The following MOK variants were observed in gnomAD, a reference collection of about 807,000 sequenced individuals.
The protein encoded by MOK is MAPK/MAK/MRK overlapping kinase.
MOK carries 59 observed loss-of-function variants against 54.2 expected under a neutral mutation model. The ratio of observed to expected loss-of-function variants is 1.09; its 90% CI spans 0.88 to 1.35. The LOEUF (loss-of-function observed/expected upper bound fraction) is 1.35, where lower values mean the gene tolerates loss of function less well. Ranked by LOEUF, MOK falls within the 40% of genes most tolerant of loss-of-function variation. The probability of loss-of-function intolerance (pLI) is 0.00; values close to 1 mark genes in which losing one functional copy is unlikely to be tolerated. For synonymous variants in MOK, 210 were observed against 202.7 expected, an observed-to-expected ratio of 1.04 and a Z score of -0.31; for missense variants, 517 against 526.2, an observed-to-expected ratio of 0.98 and a Z score of 0.17.
At chr14:102,250,549 A>G (rs2066444416) in intron 7 of MOK, among the ~76,000 whole-genome samples, 1 of 152,158 alleles carries the variant, frequency 6.6e-6, no homozygotes, top group African/African-American at 2.4e-5. Context: ...AGCAACCCCA[A>G]GGAGGCAGCT....
chr14:102,242,788 G>A (rs921529565), intron 7 of MOK, among the ~76,000 whole-genome samples: 1 of 152,086 alleles, frequency 6.6e-6, no homozygotes, highest in African/African-American at 2.4e-5. Flanking sequence ...TATCCACCCT[G>A]TAGTGCTAAA....
intron 1 of MOK, among the ~76,000 whole-genome samples, chr14:102,297,289 C>T (rs1307875767): frequency 5.3e-5 from 8 of 151,972 alleles, no homozygotes; most frequent in South Asian, 2.1e-4. Flanking sequence ...ACCCAGGAGG[C>T]GGAGCTCACA....
intron 2 of MOK, among the ~76,000 whole-genome samples, chr14:102,273,178 A>T (rs1184050842): frequency 6.6e-6 from 1 of 152,056 alleles, no homozygotes; most frequent in Non-Finnish European, 1.5e-5. Flanking sequence ...TCAAAAAAAA[A>T]AGTCATCAAC....
downstream of MOK, chr14:102,226,372 G>A: frequency 1.4e-6 from 1 of 703,120 alleles, no homozygotes. The surrounding 1 kb of genome is among the most constrained non-coding windows in gnomAD (Gnocchi z 4.8). Flanking sequence ...TGGGGAGGAG[G>A]ACGGCTGAGG....
chr14:102,237,876 C>CA lies in MOK; in HGVS notation c.591-4088dup. On this transcript the variant is annotated intron_variant, in intron 7 of 11. Coordinates refer to ENST00000361847, the MANE Select transcript of MOK (RefSeq NM_014226.3). ...AACTAACATTGAGTCAAAATACCAC[C>CA]ACCTACAGTCCTCATAATCTACAGG... 4 of 152,384 alleles carry CA rather than the reference C, an allele frequency of 2.6e-5. No homozygotes were observed. In the Middle Eastern group the frequency reaches 0.014, roughly 518 times the overall value. The allele number at this position is 152,384 out of a possible 1,614,324, so 9.4% of individuals were successfully genotyped here. A position where few individuals can be genotyped will look rare whatever the true frequency, so the allele number is the denominator to read the frequency against.
Position 102,232,754 on chromosome 14 carries a change from G to A in MOK, c.693-46C>T. 6.4e-7 allele frequency: 1 copy of A among 1,550,452 alleles called. No homozygotes were observed. The highest frequency in any genetic ancestry group is 8.8e-7 in the Non-Finnish European group (1 of 1,133,520). On this transcript the variant is annotated intron_variant, in intron 8 of 11. Transcript: ENST00000361847. The surrounding 1 kb of genome is among the most constrained non-coding windows in gnomAD (Gnocchi z 5.1). Reference sequence around the variant, plus strand: ...TAATAAATGGTCATGCTGTCACTGAGCGCACCGGTGGTCCACTGTCACAAC... The same window carrying A: ...TAATAAATGGTCATGCTGTCACTGAACGCACCGGTGGTCCACTGTCACAAC...
chr14:102,260,172 A>C (rs2067269716), intron 4 of MOK, among the ~76,000 whole-genome samples: 2 of 145,480 alleles, frequency 1.4e-5, no homozygotes, highest in South Asian at 2.2e-4. Context: ...GCAAAACTCC[A>C]TCTCAAAAAA....
chr14:102,248,850 A>G (rs533025594), intron 7 of MOK, among the ~76,000 whole-genome samples: 4 of 151,610 alleles, frequency 2.6e-5, no homozygotes, highest in Non-Finnish European at 5.9e-5. Flanking sequence ...CCCCTCCCCA[A>G]TATAAATCCC....
chr14:102,272,973 C>T (rs879285247), intron 2 of MOK, among the ~76,000 whole-genome samples: 1 of 152,102 alleles, frequency 6.6e-6, no homozygotes, highest in Non-Finnish European at 1.5e-5. Flanking sequence ...AGTTCGAGAC[C>T]AGCCTGGCCA....
At chr14:102,285,056 C>A (rs1394214093) in intron 1 of MOK, among the ~76,000 whole-genome samples, 2 of 143,330 alleles carry the variant, frequency 1.4e-5, no homozygotes, top group East Asian at 4.0e-4. Context: ...GCACTCCAGC[C>A]TGGGCTACAG....
At chr14:102,247,934 C>T (rs2066218625) in intron 7 of MOK, among the ~76,000 whole-genome samples, 1 of 152,210 alleles carries the variant, frequency 6.6e-6, no homozygotes, top group South Asian at 2.1e-4. Flanking sequence ...CTTTTTCTAG[C>T]ATTCAGCCCT....
chr14:102,239,002 G>A (rs1466284871), intron 7 of MOK, among the ~76,000 whole-genome samples: 1 of 152,072 alleles, frequency 6.6e-6, no homozygotes, highest in Non-Finnish European at 1.5e-5. Context: ...TCTTCTCTGG[G>A]TGGGTGGAGG....
At chr14:102,291,399 T>C (rs1438186741) in intron 1 of MOK, among the ~76,000 whole-genome samples, 1 of 152,200 alleles carries the variant, frequency 6.6e-6, no homozygotes, top group African/African-American at 2.4e-5. Flanking sequence ...GACAAGTTTC[T>C]TGAGGAGCCT....
chr14:102,233,559 C>G, intron 8 of MOK, 129 bp downstream of exon 8: 1 of 714,496 alleles, frequency 1.4e-6, no homozygotes, highest in Non-Finnish European at 2.4e-6. Flanking sequence ...CTCAAGTGAA[C>G]TTGAACCCCT....
chr14:102,229,975 G>C, intron 10 of MOK: 1 of 335,518 alleles, frequency 3.0e-6, no homozygotes. Context: ...CTCACACCCT[G>C]ATCTGCCTGT....
intron 1 of MOK, among the ~76,000 whole-genome samples, chr14:102,292,624 C>T (rs188363735): frequency 6.6e-6 from 1 of 152,116 alleles, no homozygotes; most frequent in East Asian, 1.9e-4. Flanking sequence ...CTGTGTGCAC[C>T]TTGTCCTCCT....
chr14:102,288,442 A>G (rs1031867436), intron 1 of MOK, among the ~76,000 whole-genome samples: 3 of 152,232 alleles, frequency 2.0e-5, no homozygotes, highest in Non-Finnish European at 4.4e-5. Flanking sequence ...ACAAAATGCC[A>G]CATATTATGT....
At chr14:102,265,714 T>A in intron 3 of MOK, 109 bp downstream of exon 3, 1 of 819,272 alleles carries the variant, frequency 1.2e-6, no homozygotes, top group East Asian at 2.7e-5. Flanking sequence ...AAATGGTTAC[T>A]CTCTGAGCTA....
At chr14:102,294,469 G>T (rs1240233448) in intron 1 of MOK, among the ~76,000 whole-genome samples, 2 of 150,510 alleles carry the variant, frequency 1.3e-5, no homozygotes, top group African/African-American at 4.9e-5. Flanking sequence ...AAAAAAATTA[G>T]CCAGGCATCG....
Sources: gnomAD v4.1 joint callset for allele counts (sites outside exome capture counted in the v4.1 genomes callset) on GRCh38, gnomAD v4.1.1 for gene constraint, Gnocchi (gnomAD v3.1) non-coding constraint, MANE v1.5 for transcripts, NCBI Gene and HGNC (gene_info 2026-07-23, HGNC 2026-07-21) for gene names.